PCDHA2: variants seen among roughly 807,000 people sequenced by gnomAD.
PCDHA2 encodes protocadherin alpha-2.
PCDHA2 carries 58 observed loss-of-function variants against 66.0 expected under a neutral mutation model. The observed-to-expected ratio is 0.88, with a 90% CI of 0.71 to 1.09. The LOEUF (loss-of-function observed/expected upper bound fraction) is 1.09. Among genes scored for constraint, PCDHA2 ranks in the 50% least tolerant of loss-of-function variants. PCDHA2 has a pLI of 0.00. For synonymous variants in PCDHA2, 634 were observed against 554.0 expected (o/e 1.14, Z -2.03); for missense variants, 1,267 against 1,242.3 (o/e 1.02, Z -0.30).
chr5:140,868,248 T>C (rs1554161850), intron 1 of PCDHA2: 1 of 152,160 alleles, frequency 6.6e-6, no homozygotes, highest in East Asian at 1.9e-4. Context: ...CAATAGACTT[T>C]TCCTTTGTGG....
In PCDHA2 at chr5:140,882,891, A is replaced by T. The variant is rs782750187; in HGVS notation, c.2388+85539A>T. 1 of 1,614,230 alleles carries T rather than the reference A, an allele frequency of 6.2e-7. No individual in the cohort carries two copies. The highest frequency in any genetic ancestry group is 8.5e-7 in the Non-Finnish European group (1 of 1,180,042). On this transcript the variant is annotated intron_variant, in intron 1 of 3. Transcript: ENST00000526136. ...CTGGACAGAGAGGAAATTCAGGAAC[A>T]TAGTTTATTACTGACAGCCAGTGAT...
At chr5:140,819,922 A>G (rs1766652146) in intron 1 of PCDHA2, among the ~76,000 whole-genome samples, 1 of 152,032 alleles carries the variant, frequency 6.6e-6, no homozygotes, top group African/African-American at 2.4e-5. Context: ...TGTTAATACT[A>G]CATTGTTAAT....
chr5:140,963,927 T>C (rs1439271741), intron 1 of PCDHA2, among the ~76,000 whole-genome samples: 1 of 152,220 alleles, frequency 6.6e-6, no homozygotes, highest in East Asian at 1.9e-4. Context: ...AAGTAACATG[T>C]CCATAGCCAA....
intron 2 of PCDHA2, among the ~76,000 whole-genome samples, chr5:140,980,472 A>G (rs782408123): frequency 6.6e-6 from 1 of 152,210 alleles, no homozygotes; most frequent in Non-Finnish European, 1.5e-5. Context: ...TCTACTAAAA[A>G]TACAAAAATT....
chr5:140,899,491 A>T (rs1333944586), intron 1 of PCDHA2, among the ~76,000 whole-genome samples: 1 of 152,196 alleles, frequency 6.6e-6, no homozygotes, highest in East Asian at 1.9e-4. Flanking sequence ...GCTGGATTAC[A>T]TTTATTGATT....
intron 1 of PCDHA2, chr5:140,835,513 G>C: frequency 3.1e-6 from 5 of 1,613,936 alleles, no homozygotes; most frequent in Non-Finnish European, 4.2e-6. Context: ...GTGTTTGACC[G>C]AGATTTTGGA....
intron 1 of PCDHA2, among the ~76,000 whole-genome samples, chr5:140,955,517 C>T (rs1554221970): frequency 6.6e-6 from 1 of 152,154 alleles, no homozygotes; most frequent in African/African-American, 2.4e-5. Flanking sequence ...TGTTTGCTTT[C>T]CCTTCCACCA....
chr5:140,975,579 A>G (rs1464978366), intron 1 of PCDHA2, among the ~76,000 whole-genome samples: 3 of 152,244 alleles, frequency 2.0e-5, no homozygotes, highest in Non-Finnish European at 4.4e-5. Context: ...ATGCAGTCTC[A>G]TGTCCCAGAG....
intron 1 of PCDHA2, chr5:140,853,312 G>A (rs931070085): frequency 1.0e-6 from 1 of 983,988 alleles, no homozygotes; most frequent in Non-Finnish European, 1.2e-6. Context: ...GAACACCTTA[G>A]TAATAAATTT....
chr5:140,981,699 T>A (rs1162840326), intron 2 of PCDHA2, among the ~76,000 whole-genome samples: 1 of 151,316 alleles, frequency 6.6e-6, no homozygotes, highest in Non-Finnish European at 1.5e-5. Context: ...CATTCATTCA[T>A]TCATTCATTC....
At chr5:140,802,880 C>G (rs1763052378) in intron 1 of PCDHA2, 1 of 1,613,482 alleles carries the variant, frequency 6.2e-7, no homozygotes, top group African/African-American at 1.3e-5. Context: ...AGAACGACAA[C>G]GCGCCGGCAC....
intron 1 of PCDHA2, chr5:140,863,441 C>T (rs1430733740): frequency 1.0e-5 from 6 of 601,724 alleles, no homozygotes; most frequent in Non-Finnish European, 1.9e-5. Context: ...TCTGGTCTTA[C>T]TCGCAGCAAA....
chr5:141,008,838 G>A (rs555239899), intron 3 of PCDHA2, among the ~76,000 whole-genome samples: 2 of 152,192 alleles, frequency 1.3e-5, no homozygotes, highest in South Asian at 2.1e-4. Context: ...ATCCTCTTAC[G>A]CTGTGTATTC....
chr5:141,009,407 G>T (rs990895210), intron 3 of PCDHA2, among the ~76,000 whole-genome samples: 2 of 152,184 alleles, frequency 1.3e-5, no homozygotes, highest in Admixed American at 6.5e-5. Flanking sequence ...TGCAGTGACT[G>T]CATTTCAGCC....
intron 1 of PCDHA2, among the ~76,000 whole-genome samples, chr5:140,946,468 C>T (rs1249840749): frequency 1.3e-5 from 2 of 151,720 alleles, no homozygotes; most frequent in Non-Finnish European, 2.9e-5. Flanking sequence ...AATCCCACTA[C>T]TGGGTATATA....
Position 140,850,629 on chromosome 5 carries a change from G to T in PCDHA2, c.2388+53277G>T, listed in dbSNP as rs2150491518. On this transcript the variant is annotated intron_variant, in intron 1 of 3. Transcript: ENST00000526136. ...CATCTGCGCGGTGTCTAGCCTGTTG[G>T]TTCTCACGCTGCTGCTGTACACTGT... is the stretch of plus-strand genomic sequence containing the variant. 44 of 1,598,620 alleles carry T rather than the reference G, an allele frequency of 2.8e-5. 2 individuals carry two copies. The East Asian group carries it at 9.4e-4, about 34-fold the overall frequency.
intron 1 of PCDHA2, among the ~76,000 whole-genome samples, chr5:140,957,259 T>A (rs1554222896): frequency 6.6e-6 from 1 of 152,182 alleles, no homozygotes; most frequent in Admixed American, 6.5e-5. Context: ...TTTAAATATG[T>A]AAGCACTAGT....
rs371868883 is a variant in PCDHA2 at position 140,856,649 on chromosome 5, C to A, written c.2388+59297C>A. ...GCTTGTTCTGCGGAAGCTGCTGGAT[C>A]GTGAAGAAAATCCTCAGCTAAAGTT... On this transcript the variant is annotated intron_variant, in intron 1 of 3. Transcript: ENST00000526136. 8 of 1,598,072 alleles carry A rather than the reference C, an allele frequency of 5.0e-6. 2 individuals carry two copies. The African/African-American group carries it at 6.7e-5, about 13-fold the overall frequency.
chr5:140,830,552 G>A (rs1771127329), intron 1 of PCDHA2: 2 of 1,081,316 alleles, frequency 1.8e-6, no homozygotes, highest in African/African-American at 3.3e-5. Context: ...CCTCATATTT[G>A]TCTTCTATAT....
Sources: gnomAD v4.1 joint callset for allele counts (sites outside exome capture counted in the v4.1 genomes callset) on GRCh38, gnomAD v4.1.1 for gene constraint, MANE v1.5 for transcripts, NCBI Gene and HGNC (gene_info 2026-07-23, HGNC 2026-07-21) for gene names.